Variants in ANK2 observed in about 807,000 individuals in gnomAD.
ANK2 encodes the protein ankyrin-2.
A neutral mutation model predicts 360.5 loss-of-function variants in ANK2; 83 were observed. The ratio of observed to expected loss-of-function variants is 0.23; its 90% CI spans 0.19 to 0.28. ANK2 has a LOEUF of 0.28. Ranked by LOEUF, ANK2 falls within the 10% of genes least tolerant of loss-of-function variation. ANK2 has a pLI of 1.00. For missense variants in ANK2, 4,201 were observed against 4,795.7 expected, an observed-to-expected ratio of 0.88 and a Z score of 3.66; for synonymous variants, 1,740 against 1,759.5, an observed-to-expected ratio of 0.99 and a Z score of 0.28.
At chr4:113,300,132 A>G (rs1340017415) in intron 22 of ANK2, among the ~76,000 whole-genome samples, 1 of 152,124 alleles carries the variant, frequency 6.6e-6, no homozygotes, top group African/African-American at 2.4e-5. Context: ...ATATTTATCA[A>G]CCACTACTAT....
At chr4:113,372,669 C>CCT in intron 43 of ANK2, 1 of 1,360,640 alleles carries the variant, frequency 7.3e-7, no homozygotes, top group Non-Finnish European at 1.0e-6. Context: ...AGTCCTGTCC[C>CCT]CATATTCTAA....
Position 113,054,322 on chromosome 4 carries a change from T to TACACACAC in ANK2, c.84+4522_84+4529dup, listed in dbSNP as rs34708446. Among the ~76,000 whole-genome samples, 5 of 149,752 alleles carry TACACACAC rather than the reference T, an allele frequency of 3.3e-5. 1 individual carries two copies. The South Asian group carries it at 1.1e-3, about 32-fold the overall frequency. ...TAAGCATTGCAAAATATTTTGAAGG[T>TACACACAC]ACACACACACACACACACATATTTA... On this transcript the variant is annotated intron_variant, in intron 1 of 45. Coordinates refer to ENST00000357077, the MANE Select transcript of ANK2 (RefSeq NM_001148.6).
chr4:113,088,113 T>C (rs1389769753), intron 1 of ANK2, among the ~76,000 whole-genome samples: 1 of 152,194 alleles, frequency 6.6e-6, no homozygotes, highest in Non-Finnish European at 1.5e-5. Context: ...ATTCACTGGA[T>C]AGATTTAAGG....
At chr4:112,906,853 C>T (rs925440605) in intron 2 of ANK2, among the ~76,000 whole-genome samples, 2 of 152,072 alleles carry the variant, frequency 1.3e-5, no homozygotes, top group African/African-American at 4.8e-5. Context: ...TTTGTAGTAT[C>T]ATCAAACTCC....
At chr4:113,236,151 C>G (rs998294671) in intron 5 of ANK2, among the ~76,000 whole-genome samples, 14 of 149,122 alleles carry the variant, frequency 9.4e-5, no homozygotes, top group Non-Finnish European at 1.3e-4. Flanking sequence ...TTTTTTTTTT[C>G]TTTCACGTAA....
intron 2 of ANK2, among the ~76,000 whole-genome samples, chr4:112,941,254 T>C (rs948961002): frequency 3.4e-5 from 5 of 149,130 alleles, no homozygotes; most frequent in African/African-American, 1.2e-4. Flanking sequence ...TATCTTTTCA[T>C]AAAAGATACA....
intron 1 of ANK2, among the ~76,000 whole-genome samples, chr4:113,058,843 T>G (rs1014920365): frequency 9.9e-5 from 15 of 152,210 alleles, no homozygotes; most frequent in Admixed American, 3.9e-4. Context: ...TTAATGTGAA[T>G]GTCTGTCTTA....
chr4:113,148,966 G>A (rs2096935453), intron 1 of ANK2: 1 of 149,046 alleles, frequency 6.7e-6, no homozygotes, highest in African/African-American at 2.4e-5. Context: ...AAGCACAGTG[G>A]GAAGCCTCTG....
chr4:113,236,909 T>C, intron 5 of ANK2, 78 bp from the exon 6 acceptor site: 3 of 1,394,986 alleles, frequency 2.2e-6, no homozygotes, highest in Non-Finnish European at 3.1e-6. Flanking sequence ...CATTAAAGAT[T>C]AGAGGCATCA....
intron 29 of ANK2, among the ~76,000 whole-genome samples, chr4:113,335,556 C>G (rs1327832625): frequency 1.3e-5 from 2 of 152,052 alleles, no homozygotes; most frequent in African/African-American, 4.8e-5. Context: ...CAAAGGTGGC[C>G]CTGCAATGCT....
chr4:112,792,260 C>T, the ANK2 span, among the ~76,000 whole-genome samples: 1 of 151,898 alleles, frequency 6.6e-6, no homozygotes, highest in Non-Finnish European at 1.5e-5. Context: ...AGGCTGGTCT[C>T]GAACTCCTGA....
chr4:113,172,815 C>T (rs2153223533), intron 1 of ANK2, among the ~76,000 whole-genome samples: 1 of 152,204 alleles, frequency 6.6e-6, no homozygotes, highest in South Asian at 2.1e-4. Context: ...ACATAATACA[C>T]AGTATTATAA....
the ANK2 span, among the ~76,000 whole-genome samples, chr4:112,711,570 A>G: frequency 6.6e-6 from 1 of 152,122 alleles, no homozygotes; most frequent in Non-Finnish European, 1.5e-5. Flanking sequence ...TAATCCCAGC[A>G]CTTTGGGAGG....
At chr4:112,745,894 C>T in the ANK2 span, among the ~76,000 whole-genome samples, 1 of 152,136 alleles carries the variant, frequency 6.6e-6, no homozygotes. Flanking sequence ...ACCATCCCCA[C>T]ATCTCTCCCC....
At chr4:113,162,732 T>C (rs63389261) in intron 1 of ANK2, among the ~76,000 whole-genome samples, 1 of 36,216 alleles carries the variant, frequency 2.8e-5, no homozygotes, top group African/African-American at 1.2e-4. Flanking sequence ...TAGCTAAAGG[T>C]TTTTTTTTTT....
At chr4:113,128,886 G>T (rs541499272) in intron 1 of ANK2, among the ~76,000 whole-genome samples, 1 of 152,278 alleles carries the variant, frequency 6.6e-6, no homozygotes, top group Admixed American at 6.5e-5. Flanking sequence ...TCACTTAGAG[G>T]GCCTAGAAGC....
intron 2 of ANK2, among the ~76,000 whole-genome samples, chr4:112,904,842 C>T (rs145383893): frequency 2.6e-4 from 40 of 152,124 alleles, no homozygotes; most frequent in Middle Eastern, 6.8e-3. Context: ...GATTTGTTCA[C>T]CAAAGTCATC....
chr4:113,328,260 G>GA lies in ANK2; in HGVS notation c.2901-1976dup, dbSNP rs781570455. On this transcript the variant is annotated intron_variant, in intron 26 of 45. Coordinates refer to ENST00000357077, the MANE Select transcript of ANK2 (RefSeq NM_001148.6). The stretch of plus-strand genomic sequence containing the variant: ...CCAATGGAGGCAGCAACCAAAAGAT[G>GA]AAAAAAAAAACAAAGGAAATATTAA... Among the ~76,000 whole-genome samples the GA allele has an allele frequency of 4.5e-3, 656 of 145,112 alleles. 4 individuals are homozygous for GA. Among genetic ancestry groups the GA allele is most frequent in the East Asian group, 0.024 (119 of 5,038 alleles).
chr4:113,377,469 G>A (rs931567401), intron 45 of ANK2, among the ~76,000 whole-genome samples: 1 of 152,040 alleles, frequency 6.6e-6, no homozygotes, highest in Admixed American at 6.5e-5. Flanking sequence ...AAATCCAAAA[G>A]GGACAAAAAA....
Sources: allele counts gnomAD v4.1 joint callset (sites outside exome capture counted in the v4.1 genomes callset), GRCh38; gene constraint gnomAD v4.1.1; transcripts MANE v1.5; gene names NCBI Gene and HGNC (gene_info 2026-07-23, HGNC 2026-07-21).